Variants in ANO4 observed in about 807,000 individuals in gnomAD.
The protein encoded by ANO4 is anoctamin-4.
ANO4 carries 69 observed loss-of-function variants against 141.9 expected under a neutral mutation model. The observed-to-expected ratio is 0.49, with a 90% confidence interval of 0.40 to 0.59. The LOEUF is 0.59. ANO4 is among the 20% of genes least tolerant of loss of function. The pLI is 0.00. For synonymous variants in ANO4, 350 were observed against 394.3 expected, an observed-to-expected ratio of 0.89 and a Z score of 1.33; for missense variants, 894 against 1,162.2, an observed-to-expected ratio of 0.77 and a Z score of 3.36.
At chr12:100,877,975 T>C (rs1163305151) in intron 1 of ANO4, among the ~76,000 whole-genome samples, 6 of 151,320 alleles carry the variant, frequency 4.0e-5, no homozygotes, top group Admixed American at 6.6e-5. Context: ...CTTCTATCCC[T>C]TCCCCTAGTG....
chr12:100,860,714 G>A (rs2038423585), intron 1 of ANO4, among the ~76,000 whole-genome samples: 1 of 152,150 alleles, frequency 6.6e-6, no homozygotes, highest in Non-Finnish European at 1.5e-5. Context: ...AGCCTTGTGA[G>A]TACAGCTTTC....
chr12:100,986,559 C>G (rs2044718126), intron 7 of ANO4, among the ~76,000 whole-genome samples: 1 of 152,128 alleles, frequency 6.6e-6, no homozygotes, highest in African/African-American at 2.4e-5. Flanking sequence ...CAAGTTGACA[C>G]AGTAAATTAG....
chr12:100,919,736 GTATC>G (rs371838179), intron 2 of ANO4, among the ~76,000 whole-genome samples: 12,338 of 132,804 alleles, frequency 0.093, 724 homozygotes, highest in East Asian at 0.18. Flanking sequence ...GTGTATGTAT[GTATC>G]TATCTATCTA....
At chr12:101,068,725 T>A in intron 14 of ANO4, 1 of 1,307,442 alleles carries the variant, frequency 7.6e-7, no homozygotes, top group Non-Finnish European at 1.1e-6. Flanking sequence ...AATGACCAGA[T>A]CTCATAAAAA....
At chr12:101,104,718 T>C (rs1159742933) in intron 22 of ANO4, among the ~76,000 whole-genome samples, 2 of 148,480 alleles carry the variant, frequency 1.3e-5, no homozygotes, top group Non-Finnish European at 1.5e-5. Flanking sequence ...TATGTTGATA[T>C]ATGTTTCAAG....
intron 8 of ANO4, among the ~76,000 whole-genome samples, chr12:101,009,458 C>T (rs1195551069): frequency 6.6e-6 from 1 of 152,124 alleles, no homozygotes; most frequent in East Asian, 1.9e-4. Flanking sequence ...ATACTGCACT[C>T]ATTATGATAG....
intron 3 of ANO4, among the ~76,000 whole-genome samples, chr12:100,781,410 A>G (rs1234652715): frequency 6.6e-6 from 1 of 152,180 alleles, no homozygotes; most frequent in Non-Finnish European, 1.5e-5. Context: ...CAAGCAATGC[A>G]TAGACCCCTC....
intron 3 of ANO4, among the ~76,000 whole-genome samples, chr12:100,759,331 T>G (rs1374486034): frequency 1.3e-5 from 2 of 152,242 alleles, no homozygotes; most frequent in Non-Finnish European, 2.9e-5. Flanking sequence ...ATATTTTTGT[T>G]CAACTAAGAA....
chr12:101,108,680 T>C (rs2050545511), intron 22 of ANO4, among the ~76,000 whole-genome samples: 1 of 152,206 alleles, frequency 6.6e-6, no homozygotes, highest in South Asian at 2.1e-4. Context: ...TACATAGTCA[T>C]TCAAACAGCC....
intron 5 of ANO4, among the ~76,000 whole-genome samples, chr12:100,956,200 A>ATG (rs2043168349): frequency 6.6e-6 from 1 of 152,190 alleles, no homozygotes; most frequent in South Asian, 2.1e-4. Flanking sequence ...AATCATCTCA[A>ATG]TGCCAATTTC....
chr12:100,735,681 A>T (rs2136836252), intron 2 of ANO4, among the ~76,000 whole-genome samples: 1 of 152,130 alleles, frequency 6.6e-6, no homozygotes. Flanking sequence ...TTGGCTGGAT[A>T]TGGGGATAGT....
intron 5 of ANO4, among the ~76,000 whole-genome samples, chr12:100,947,283 A>G (rs2042765728): frequency 6.6e-6 from 1 of 150,734 alleles, no homozygotes; most frequent in Non-Finnish European, 1.5e-5. Flanking sequence ...AAGAATTTTT[A>G]GAGAAATGTC....
intron 3 of ANO4, among the ~76,000 whole-genome samples, chr12:100,763,232 A>C (rs2032949387): frequency 6.6e-6 from 1 of 152,170 alleles, no homozygotes; most frequent in Non-Finnish European, 1.5e-5. Context: ...TCTGGACTCC[A>C]TATGGCCACA....
chr12:100,871,952 T>G (rs74636313), intron 1 of ANO4, among the ~76,000 whole-genome samples: 23 of 152,330 alleles, frequency 1.5e-4, no homozygotes, highest in East Asian at 1.3e-3. Context: ...AAGGGCTGCT[T>G]GGTGTATCAT....
intron 1 of ANO4, among the ~76,000 whole-genome samples, chr12:100,892,487 C>T (rs821861): frequency 0.31 from 47,556 of 152,054 alleles, 7,619 homozygotes; most frequent in East Asian, 0.52. Context: ...ACAAAATCAA[C>T]GTAACAGAAG....
intron 1 of ANO4, among the ~76,000 whole-genome samples, chr12:100,894,406 G>T (rs1461641778): frequency 6.6e-6 from 1 of 151,944 alleles, no homozygotes; most frequent in Non-Finnish European, 1.5e-5. Context: ...GTCCTACGTG[G>T]GTTAGAACTC....
intron 1 of ANO4, among the ~76,000 whole-genome samples, chr12:100,898,421 A>G (rs990677692): frequency 1.3e-5 from 2 of 152,148 alleles, no homozygotes; most frequent in Non-Finnish European, 2.9e-5. Flanking sequence ...TAGGCCCTTT[A>G]TCTGTACTTT....
chr12:100,844,205 G>T (rs2037439272), intron 1 of ANO4, among the ~76,000 whole-genome samples: 1 of 152,020 alleles, frequency 6.6e-6, no homozygotes, highest in South Asian at 2.1e-4. Flanking sequence ...AAAGAGAACA[G>T]GCCAATGGAA....
chr12:100,734,539 T>C (rs2031523772), intron 2 of ANO4, among the ~76,000 whole-genome samples: 1 of 152,262 alleles, frequency 6.6e-6, no homozygotes, highest in Admixed American at 6.5e-5. Context: ...GCCTGCCAGC[T>C]GCTCTTGACT....
Sources: gnomAD v4.1 joint callset for allele counts (sites outside exome capture counted in the v4.1 genomes callset) on GRCh38, gnomAD v4.1.1 for gene constraint, MANE v1.5 for transcripts, NCBI Gene and HGNC (gene_info 2026-07-23, HGNC 2026-07-21) for gene names.